The following MACROD2 variants were observed in gnomAD, a reference collection of about 807,000 sequenced individuals.
MACROD2 encodes the protein mono-ADP ribosylhydrolase 2.
Under a neutral mutation model 70.4 loss-of-function variants are expected in MACROD2, and 36 were observed. That is an observed-to-expected ratio of 0.51 (90% confidence interval 0.39 to 0.68). The LOEUF is 0.68. MACROD2 is among the 30% of genes least tolerant of loss of function. The pLI is 0.00. For synonymous variants in MACROD2, 172 were observed against 178.8 expected, an observed-to-expected ratio of 0.96 and a Z score of 0.30; for missense variants, 496 against 538.4, an observed-to-expected ratio of 0.92 and a Z score of 0.78.
At chr20:15,165,715 C>T (rs1298126535) in intron 5 of MACROD2, among the ~76,000 whole-genome samples, 2 of 152,150 alleles carry the variant, frequency 1.3e-5, no homozygotes, top group African/African-American at 2.4e-5. Flanking sequence ...ATGCACGTTT[C>T]CAAACTTATG....
chr20:14,007,249 A>G (rs2052836334), intron 2 of MACROD2, among the ~76,000 whole-genome samples: 1 of 152,204 alleles, frequency 6.6e-6, no homozygotes, highest in Non-Finnish European at 1.5e-5. Flanking sequence ...AGGAAAGCAG[A>G]ATAAATGCCA....
chr20:14,458,634 C>G (rs1256475969), intron 3 of MACROD2, among the ~76,000 whole-genome samples: 1 of 152,028 alleles, frequency 6.6e-6, no homozygotes, highest in African/African-American at 2.4e-5. Flanking sequence ...CATGAAAGCC[C>G]CTTCCCCTTT....
intron 6 of MACROD2, among the ~76,000 whole-genome samples, chr20:15,394,352 A>C (rs1568773377): frequency 6.6e-6 from 1 of 152,212 alleles, no homozygotes; most frequent in Non-Finnish European, 1.5e-5. Flanking sequence ...CTCTTGTAAG[A>C]TAGCATCTTT....
chr20:15,978,277 A>C (rs1404813590), intron 13 of MACROD2, among the ~76,000 whole-genome samples: 1 of 152,132 alleles, frequency 6.6e-6, no homozygotes, highest in Non-Finnish European at 1.5e-5. Flanking sequence ...CCTTACTCCG[A>C]ATATTCTGCA....
intron 4 of MACROD2, among the ~76,000 whole-genome samples, chr20:14,533,452 A>G (rs912767196): frequency 6.6e-6 from 1 of 152,220 alleles, no homozygotes; most frequent in Non-Finnish European, 1.5e-5. Flanking sequence ...TTATTTCTTA[A>G]CTATTAAGAT....
chr20:14,313,915 T>C (rs2082589843), intron 3 of MACROD2, among the ~76,000 whole-genome samples: 1 of 152,166 alleles, frequency 6.6e-6, no homozygotes, highest in African/African-American at 2.4e-5. Flanking sequence ...TACAAGACTA[T>C]AGTTGCCTGA....
At chr20:14,648,644 A>ATATATATATC (rs1330379729) in intron 4 of MACROD2, among the ~76,000 whole-genome samples, 2 of 151,506 alleles carry the variant, frequency 1.3e-5, no homozygotes, top group African/African-American at 4.9e-5. Flanking sequence ...ATATCTATCT[A>ATATATATATC]TCTCACATAC....
intron 5 of MACROD2, among the ~76,000 whole-genome samples, chr20:15,131,681 A>G (rs1043332777): frequency 2.2e-4 from 33 of 152,088 alleles, no homozygotes; most frequent in Admixed American, 1.6e-3. Context: ...CTCTTTTTAG[A>G]CATTGAACTA....
At chr20:15,349,844 C>T (rs529760890) in intron 6 of MACROD2, among the ~76,000 whole-genome samples, 5 of 151,574 alleles carry the variant, frequency 3.3e-5, no homozygotes, top group Non-Finnish European at 7.4e-5. Context: ...GAGAAACTTT[C>T]GAAGAATCTG....
intron 3 of MACROD2, among the ~76,000 whole-genome samples, chr20:14,444,782 A>G (rs770503880): frequency 1.9e-4 from 29 of 151,786 alleles, no homozygotes; most frequent in African/African-American, 6.8e-4. Flanking sequence ...CTCACACATA[A>G]CGTCATGTAG....
At chr20:15,547,244 G>T (rs1326549962) in intron 8 of MACROD2, among the ~76,000 whole-genome samples, 2 of 152,154 alleles carry the variant, frequency 1.3e-5, no homozygotes, top group Non-Finnish European at 1.5e-5. Context: ...CATGGTGGAG[G>T]TTGCCTCATC....
At chr20:15,975,387 T>G (rs1601250094) in intron 13 of MACROD2, among the ~76,000 whole-genome samples, 1 of 152,230 alleles carries the variant, frequency 6.6e-6, no homozygotes, top group Non-Finnish European at 1.5e-5. Context: ...CCTCAGAGAT[T>G]TATCCTAAAC....
intron 8 of MACROD2, among the ~76,000 whole-genome samples, chr20:15,585,118 C>T (rs140562022): frequency 6.6e-6 from 1 of 152,266 alleles, no homozygotes; most frequent in African/African-American, 2.4e-5. Context: ...TCCCCCTACC[C>T]CCTTTGATCT....
At chr20:16,024,663 A>G (rs2067053172) in intron 15 of MACROD2, among the ~76,000 whole-genome samples, 1 of 152,230 alleles carries the variant, frequency 6.6e-6, no homozygotes, top group Non-Finnish European at 1.5e-5. Flanking sequence ...TATTGAAGTC[A>G]GCCAAATAGC....
At chr20:14,931,769 G>A (rs756887428) in intron 5 of MACROD2, among the ~76,000 whole-genome samples, 1 of 151,682 alleles carries the variant, frequency 6.6e-6, no homozygotes, top group Non-Finnish European at 1.5e-5. Context: ...AGGATGAGGT[G>A]GGAAGATCGC....
intron 3 of MACROD2, among the ~76,000 whole-genome samples, chr20:14,330,408 G>A (rs1358205141): frequency 1.3e-5 from 2 of 151,958 alleles, no homozygotes; most frequent in Non-Finnish European, 2.9e-5. Flanking sequence ...AAGGACTAAA[G>A]TAGTAGCAAT....
chr20:14,415,897 G>C (rs887365710), intron 3 of MACROD2, among the ~76,000 whole-genome samples: 5 of 151,686 alleles, frequency 3.3e-5, no homozygotes, highest in Non-Finnish European at 7.4e-5. Context: ...TTGCTTGCTT[G>C]CTTTTTTCTT....
intron 4 of MACROD2, among the ~76,000 whole-genome samples, chr20:14,553,969 T>C (rs900740033): frequency 2.6e-5 from 4 of 152,182 alleles, no homozygotes; most frequent in Non-Finnish European, 5.9e-5. Context: ...AATGGCATTA[T>C]GAATCAGCTG....
intron 8 of MACROD2, among the ~76,000 whole-genome samples, chr20:15,721,297 T>C (rs1415083659): frequency 6.6e-6 from 1 of 152,204 alleles, no homozygotes; most frequent in Non-Finnish European, 1.5e-5. Flanking sequence ...TCAGAAGCAA[T>C]TGGCTTGTTA....
Sources: allele counts gnomAD v4.1 joint callset (sites outside exome capture counted in the v4.1 genomes callset), GRCh38; gene constraint gnomAD v4.1.1; transcripts MANE v1.5; gene names NCBI Gene and HGNC (gene_info 2026-07-23, HGNC 2026-07-21).